PRDM10: variants seen among roughly 807,000 people sequenced by gnomAD.
The protein encoded by PRDM10 is PR/SET domain 10, also known as PR domain zinc finger protein 10.
A neutral mutation model predicts 133.1 loss-of-function variants in PRDM10; 65 were observed. The observed-to-expected ratio is 0.49, with a 90% CI of 0.40 to 0.60. The LOEUF (loss-of-function observed/expected upper bound fraction) is 0.60. PRDM10 is among the 20% of genes least tolerant of loss of function. The pLI is 0.00. For synonymous variants in PRDM10, 582 were observed against 580.4 expected (o/e 1.00, Z -0.04); for missense variants, 1,137 against 1,507.1 (o/e 0.75, Z 4.07).
At position 129,905,948 on chromosome 11, in the gene PRDM10, G is replaced by A. The variant is rs74323537; in HGVS notation, c.3164-207C>T. ...AGATACCCAGTGTCAGAGACAATCA[G>A]TGCATTCCCCTTCAAATGTGGCTTC... On this transcript the variant is annotated intron_variant, in intron 19 of 20. Coordinates refer to ENST00000360871, the MANE Select transcript of PRDM10 (RefSeq NM_199437.2). Among the ~76,000 whole-genome samples, 290 of 152,302 alleles carry A rather than the reference G, an allele frequency of 1.9e-3. 1 individual carries two copies. Among genetic ancestry groups the A allele is most frequent in the African/African-American group, 6.6e-3 (274 of 41,568 alleles).
chr11:129,963,081 G>A (rs958556530), intron 1 of PRDM10, among the ~76,000 whole-genome samples: 3 of 151,534 alleles, frequency 2.0e-5, no homozygotes, highest in African/African-American at 4.9e-5. Flanking sequence ...TCTGGGAGGC[G>A]GAGGTTACAG....
At chr11:129,914,020 T>C (rs2135741348) in intron 17 of PRDM10, among the ~76,000 whole-genome samples, 1 of 152,282 alleles carries the variant, frequency 6.6e-6, no homozygotes, top group East Asian at 1.9e-4. Flanking sequence ...CTCAATTTTT[T>C]TTTTTGAGTC....
intron 19 of PRDM10, 38 bp from the exon 20 acceptor site, chr11:129,905,779 G>T (rs2135710090): frequency 6.4e-7 from 1 of 1,559,644 alleles, no homozygotes; most frequent in Admixed American, 1.7e-5. Flanking sequence ...AGTGGTCTCA[G>T]ATTTTAACAC....
chr11:129,915,914 T>C, intron 15 of PRDM10, 54 bp from the exon 16 acceptor site: 1 of 1,508,906 alleles, frequency 6.6e-7, no homozygotes, highest in Non-Finnish European at 8.9e-7. Context: ...ACTTTCTTGC[T>C]TAAAGCAAAC....
chr11:129,988,840 A>G (rs571489154), intron 1 of PRDM10, among the ~76,000 whole-genome samples: 92 of 152,082 alleles, frequency 6.0e-4, no homozygotes, highest in African/African-American at 1.4e-3. Context: ...CGTGTTAGCC[A>G]GGATGGTCTC....
chr11:129,949,203 G>A (rs952670266), intron 4 of PRDM10, among the ~76,000 whole-genome samples: 6 of 152,110 alleles, frequency 3.9e-5, no homozygotes, highest in Non-Finnish European at 8.8e-5. Context: ...ATAGACTATG[G>A]GCTTTGGAGT....
chr11:129,984,224 C>T (rs1938277140), intron 1 of PRDM10, among the ~76,000 whole-genome samples: 1 of 152,242 alleles, frequency 6.6e-6, no homozygotes, highest in South Asian at 2.1e-4. Context: ...GGCCTTCCCA[C>T]TGGGTGGCTG....
intron 14 of PRDM10, among the ~76,000 whole-genome samples, 199 bp from the exon 15 acceptor site, chr11:129,917,436 T>TAACAATAATTCACCA: frequency 1.3e-5 from 2 of 152,316 alleles, no homozygotes; most frequent in Admixed American, 1.3e-4. Flanking sequence ...TAACAGGAGT[T>TAACAATAATTCACCA]AACAATAATT....
At chr11:129,922,344 G>A (rs1950544689) in intron 13 of PRDM10, among the ~76,000 whole-genome samples, 1 of 152,164 alleles carries the variant, frequency 6.6e-6, no homozygotes, top group South Asian at 2.1e-4. Context: ...TTTTAGATAT[G>A]ATTTTTTTTA....
Position 129,917,115 on chromosome 11 carries a change from T to C in PRDM10, c.2325+12A>G. On this transcript the variant is annotated intron_variant, in intron 15 of 20. Transcript: ENST00000360871. ...CCCCAGTGGCATACCAATATGAATA[T>C]TTCCCTTTTACCTTATCGCAATACT... 1.3e-6 allele frequency: 2 copies of C among 1,582,142 alleles called. No individual in the cohort carries two copies. Among genetic ancestry groups the C allele is most frequent in the Non-Finnish European group, 1.7e-6 (2 of 1,152,444 alleles).
At chr11:129,955,941 A>C (rs1015190987) in intron 3 of PRDM10, among the ~76,000 whole-genome samples, 1 of 152,214 alleles carries the variant, frequency 6.6e-6, no homozygotes, top group Non-Finnish European at 1.5e-5. Context: ...TGCTCACGGG[A>C]GTAGACTTGT....
chr11:129,958,821 T>C (rs1951745019), intron 2 of PRDM10, among the ~76,000 whole-genome samples: 1 of 152,198 alleles, frequency 6.6e-6, no homozygotes, highest in Non-Finnish European at 1.5e-5. Context: ...TAGGGGGTTC[T>C]GGACAACTAT....
At position 129,968,239 on chromosome 11, in the gene PRDM10, A is replaced by T. The variant is rs1951945336; in HGVS notation, c.-118-7157T>A. Among the ~76,000 whole-genome samples, 2 of 152,250 alleles carry T rather than the reference A, an allele frequency of 1.3e-5. 1 individual carries two copies. Among genetic ancestry groups the T allele is most frequent in the Admixed American group, 1.3e-4 (2 of 15,276 alleles). ...TGGCCTCGCACCTCAAATGCCAGAC[A>T]CGTCATTATTGATATGGAAAGAAGT... On this transcript the variant is annotated intron_variant, in intron 1 of 20. Transcript: ENST00000360871.
rs1254295331 is a variant in PRDM10, at chr11:129,980,759, C to A, written c.-118-19677G>T. Among the ~76,000 whole-genome samples the A allele has an allele frequency of 2.6e-5, 4 of 151,378 alleles. No homozygotes were observed. The East Asian group carries it at 5.8e-4, about 22-fold the overall frequency. On this transcript the variant is annotated intron_variant, in intron 1 of 20. Coordinates refer to ENST00000360871, the MANE Select transcript of PRDM10 (RefSeq NM_199437.2). ...GACCACATATTTTATTTTTAAAGTC[C>A]AAACCAGGGAAATCTATAAAGACAG... is the stretch of plus-strand genomic sequence containing the variant.
intron 13 of PRDM10, among the ~76,000 whole-genome samples, chr11:129,919,614 A>G (rs1035451806): frequency 6.6e-6 from 1 of 152,298 alleles, no homozygotes; most frequent in African/African-American, 2.4e-5. Flanking sequence ...AATCAGGCAG[A>G]GCCCATCCTG....
At chr11:129,926,655 G>A (rs1369573149) in intron 11 of PRDM10, among the ~76,000 whole-genome samples, 1 of 152,200 alleles carries the variant, frequency 6.6e-6, no homozygotes, top group Non-Finnish European at 1.5e-5. Flanking sequence ...CGGGCTAGGA[G>A]AAAGATTTTT....
chr11:129,917,161 G>T lies in PRDM10; in HGVS notation c.2291C>A (p.Pro764His). 6.2e-7 allele frequency: 1 copy of T among 1,613,210 alleles called. No individual in the cohort carries two copies. Among genetic ancestry groups the T allele is most frequent in the Non-Finnish European group, 8.5e-7 (1 of 1,179,236 alleles). Residue 764 changes from proline to histidine, a missense_variant, in exon 15 of 21, where the codon CCC becomes CAC. Transcript: ENST00000360871. Reference protein sequence around the residue: ...VPELTLPIIKPNRDYFCQYCD... With the variant: ...VPELTLPIIKHNRDYFCQYCD... The stretch of plus-strand genomic sequence containing the variant: ...ATACTGACAAAAGTAATCACGATTG[G>T]GTTTTATGATGGGTAGAGTTAACTC...
intron 17 of PRDM10, 115 bp downstream of exon 17, chr11:129,914,589 G>T: frequency 7.1e-7 from 1 of 1,416,930 alleles, no homozygotes; most frequent in Non-Finnish European, 9.9e-7. Flanking sequence ...AATGCCCAAG[G>T]CTCAGAACTT....
chr11:129,938,991 C>T (rs1190969549), intron 7 of PRDM10, among the ~76,000 whole-genome samples: 2 of 152,168 alleles, frequency 1.3e-5, no homozygotes, highest in African/African-American at 4.8e-5. Flanking sequence ...TTGCCCTCAC[C>T]CCTGCCCTAA....
Sources: allele counts gnomAD v4.1 joint callset (sites outside exome capture counted in the v4.1 genomes callset), GRCh38; gene constraint gnomAD v4.1.1; transcripts MANE v1.5; gene names NCBI Gene and HGNC (gene_info 2026-07-23, HGNC 2026-07-21).